The following COL12A1 variants were observed in gnomAD, a reference collection of about 807,000 sequenced individuals.
The protein encoded by COL12A1 is collagen alpha-1(XII) chain.
A neutral mutation model predicts 349.7 loss-of-function variants in COL12A1; 114 were observed. That is an observed-to-expected ratio of 0.33 (90% CI 0.28 to 0.38). The LOEUF is 0.38. Ranked by LOEUF, COL12A1 falls within the 10% of genes least tolerant of loss-of-function variation. The pLI is 1.00. For missense variants in COL12A1, 3,284 were observed against 3,756.9 expected (o/e 0.87, Z 3.29); for synonymous variants, 1,369 against 1,329.0 (o/e 1.03, Z -0.66).
rs754548748 is a variant in COL12A1 at position 75,109,031 on chromosome 6, C to G, written c.8087G>C (p.Arg2696Thr). 2 of 1,611,640 alleles carry G rather than the reference C, an allele frequency of 1.2e-6. No homozygotes were observed. Among genetic ancestry groups the G allele is most frequent in the African/African-American group, 2.7e-5 (2 of 74,744 alleles). ...EILGKLLKGE[R>T]KSAAFQIQSF... ...TGTGTTACTCACTGCGGCTGATTTC[C>G]TTTCCCCTTTAAGGAGTTTTCCAAG... is the stretch of plus-strand genomic sequence containing the variant. The change falls in exon 52 of 66, where the codon AGG becomes ACG. Residue 2696 changes from arginine to threonine, a missense_variant. Arg to Thr is a moderately conservative substitution (Grantham distance 71). Coordinates refer to ENST00000322507, the MANE Select transcript of COL12A1 (RefSeq NM_004370.6).
chr6:75,094,207 C>CT (rs199519184), intron 60 of COL12A1, among the ~76,000 whole-genome samples: 2,194 of 151,298 alleles, frequency 0.015, 44 homozygotes, highest in African/African-American at 0.05. Flanking sequence ...TCTGAAATTA[C>CT]TTTTTTTTTA....
chr6:75,100,485 C>CA (rs368609622), intron 58 of COL12A1, among the ~76,000 whole-genome samples: 52 of 150,424 alleles, frequency 3.5e-4, no homozygotes, highest in African/African-American at 1.0e-3. Flanking sequence ...AATAAGAATT[C>CA]AAAAAAAAAC....
At chr6:75,169,692 G>C (rs1025361611) in intron 13 of COL12A1, among the ~76,000 whole-genome samples, 4 of 151,826 alleles carry the variant, frequency 2.6e-5, no homozygotes, top group Non-Finnish European at 5.9e-5. Context: ...TTTTATCTCT[G>C]GTAATAGAAA....
rs756277846 is a variant in COL12A1, at chr6:75,165,685, G to A, written c.2805C>T (p.Tyr935=). The change falls in exon 14 of 66, where the codon TAC becomes TAT. Residue 935 remains tyrosine, a synonymous_variant. Coordinates refer to ENST00000322507, the MANE Select transcript of COL12A1 (RefSeq NM_004370.6). ...WTSAPGMVRG[Y]RVSWKSLYDD... ...CATAAAGTGATTTCCATGAGACCCT[G>A]TAACCGCGAACCATTCCTGGAGCAG... The A allele has an allele frequency of 6.2e-7, 1 of 1,614,030 alleles. No individual in the cohort carries two copies. The highest frequency in any genetic ancestry group is 2.2e-5 in the East Asian group (1 of 44,888).
rs752888786 is a variant in COL12A1 at position 75,165,682 on chromosome 6, C to T, written c.2808G>A (p.Arg936=). ...TSAPGMVRGY[R]VSWKSLYDDV... is the part of the protein sequence containing the mutation. ...CATCATAAAGTGATTTCCATGAGAC[C>T]CTGTAACCGCGAACCATTCCTGGAG... Residue 936 remains arginine, a synonymous_variant, in exon 14 of 66, where the codon AGG becomes AGA. Transcript: ENST00000322507. 11 of 1,613,850 alleles carry T rather than the reference C, an allele frequency of 6.8e-6. No individual in the cohort carries two copies. The South Asian group carries it at 1.1e-4, about 16-fold the overall frequency.
chr6:75,109,119 A>G lies in COL12A1; in HGVS notation c.7999T>C (p.Tyr2667His), dbSNP rs1324430356. Residue 2667 changes from tyrosine to histidine, a missense_variant, in exon 52 of 66, where the codon TAT (tyrosine) becomes CAT (histidine). Coordinates refer to ENST00000322507, the MANE Select transcript of COL12A1 (RefSeq NM_004370.6). Reference protein sequence around the residue: ...SKSVKIYIDCYEIIEKDIKEA... With the variant: ...SKSVKIYIDCHEIIEKDIKEA... Reference sequence around the variant, plus strand: ...TTGATGTCTTTTTCTATAATTTCATAGCAGTCAATGTAAATCTTAACACTT... The same window carrying G: ...TTGATGTCTTTTTCTATAATTTCATGGCAGTCAATGTAAATCTTAACACTT... The G allele has an allele frequency of 1.9e-6, 3 of 1,605,578 alleles. No individual in the cohort carries two copies. The highest frequency in any genetic ancestry group is 1.7e-6 in the Non-Finnish European group (2 of 1,173,032).
chr6:75,126,671 T>C (rs529077438), intron 38 of COL12A1, among the ~76,000 whole-genome samples: 71 of 152,200 alleles, frequency 4.7e-4, no homozygotes, highest in African/African-American at 1.5e-3. Flanking sequence ...GCAACTCAAA[T>C]AGACTCAAGA....
At chr6:75,115,625 G>A (rs1424625897) in intron 49 of COL12A1, among the ~76,000 whole-genome samples, 159 bp downstream of exon 49, 1 of 152,114 alleles carries the variant, frequency 6.6e-6, no homozygotes, top group Non-Finnish European at 1.5e-5. Context: ...ATGTAACCTG[G>A]AAACAATTAG....
chr6:75,169,883 A>G lies in COL12A1; in HGVS notation c.2711-4104T>C, dbSNP rs566213164. ...CTCTATCAGGTTTTGAAATCTGGCT[A>G]CTCAGCATTTCTGTCCTTATTATAA... On this transcript the variant is annotated intron_variant, in intron 13 of 65. Transcript: ENST00000322507. Among the ~76,000 whole-genome samples, 3 of 152,274 alleles carry G rather than the reference A, an allele frequency of 2.0e-5. No homozygotes were observed. The South Asian group carries it at 6.2e-4, about 32-fold the overall frequency.
intron 32 of COL12A1, among the ~76,000 whole-genome samples, 160 bp downstream of exon 32, chr6:75,134,566 A>G (rs569691833): frequency 2.5e-4 from 38 of 152,218 alleles, no homozygotes; most frequent in Admixed American, 2.0e-3. Flanking sequence ...GCAAGACTCC[A>G]TCTCAAAAAA....
At chr6:75,134,903 TC>T in intron 31 of COL12A1, 48 bp from the exon 32 acceptor site, 1 of 1,572,224 alleles carries the variant, frequency 6.4e-7, no homozygotes, top group Non-Finnish European at 8.7e-7. Flanking sequence ...TCTCTCCATC[TC>T]ACTAATCTGT....
At position 75,105,307 on chromosome 6, in the gene COL12A1, A is replaced by G. The variant is rs1432887620; in HGVS notation, c.8179-15T>C. On this transcript the variant is annotated splice_polypyrimidine_tract_variant and intron_variant, in intron 53 of 65. Coordinates refer to ENST00000322507, the MANE Select transcript of COL12A1 (RefSeq NM_004370.6). ...CCCTCATCTCTCTGAAATTTTGAAA[A>G]GAATATTTACCTTTAAATTTAGAGG... is the stretch of plus-strand genomic sequence containing the variant. 3 of 1,605,640 alleles carry G rather than the reference A, an allele frequency of 1.9e-6. No individual in the cohort carries two copies. The highest frequency in any genetic ancestry group is 1.3e-5 in the African/African-American group (1 of 74,826).
chr6:75,140,556 T>C (rs559480236), intron 27 of COL12A1, among the ~76,000 whole-genome samples: 4 of 148,020 alleles, frequency 2.7e-5, no homozygotes, highest in Non-Finnish European at 5.9e-5. Flanking sequence ...CTCCGGAGGC[T>C]GAGGCAGGAT....
chr6:75,123,332 T>A lies in COL12A1; in HGVS notation c.6944A>T (p.Asp2315Val). The A allele has an allele frequency of 6.2e-7, 1 of 1,608,562 alleles. No homozygotes were observed. The highest frequency in any genetic ancestry group is 8.5e-7 in the Non-Finnish European group (1 of 1,177,240). Reference sequence around the variant, plus strand: ...ATTGCCTATTTAGCTGTACTTACCATCCCGGGCTGGTGGAATGGTGGGAGG... The same window carrying A: ...ATTGCCTATTTAGCTGTACTTACCAACCCGGGCTGGTGGAATGGTGGGAGG... ...PPPPTIPPAR[D>V]VCKGAKADIV... The change falls in exon 43 of 66, where the codon GAT becomes GTT. Residue 2315 changes from aspartate to valine, a missense_variant and splice_region_variant. Asp to Val is a radical substitution (Grantham distance 152). Transcript: ENST00000322507.
chr6:75,185,736 C>A (rs1769579298), intron 8 of COL12A1, among the ~76,000 whole-genome samples: 2 of 152,096 alleles, frequency 1.3e-5, no homozygotes, highest in Admixed American at 6.5e-5. Context: ...GCTGTGGTAA[C>A]CAAAACAGCA....
chr6:75,098,617 C>T (rs1768161224), intron 58 of COL12A1, among the ~76,000 whole-genome samples: 1 of 152,146 alleles, frequency 6.6e-6, no homozygotes, highest in Non-Finnish European at 1.5e-5. Flanking sequence ...TGTGATCGCA[C>T]CACTGCACTC....
intron 14 of COL12A1, among the ~76,000 whole-genome samples, chr6:75,159,911 C>T (rs903379818): frequency 6.6e-6 from 1 of 152,010 alleles, no homozygotes; most frequent in Non-Finnish European, 1.5e-5. Context: ...TAATAACAGC[C>T]AAAAGTGATA....
intron 52 of COL12A1, 106 bp from the exon 53 acceptor site, chr6:75,106,602 G>T: frequency 1.1e-6 from 1 of 928,864 alleles, no homozygotes. Flanking sequence ...CTCTCTCAAG[G>T]GTGTGAGCCA....
chr6:75,134,008 C>T lies in COL12A1; in HGVS notation c.5525-11G>A, dbSNP rs375380199. On this transcript the variant is annotated splice_polypyrimidine_tract_variant and intron_variant, in intron 32 of 65. Transcript: ENST00000322507. ...CAGTGTTTAGAGGTTCTGAAATGCA[C>T]AGAAATCCCATCACAGTATAATGCT... The T allele has an allele frequency of 2.5e-6, 4 of 1,610,324 alleles. No individual in the cohort carries two copies. Among genetic ancestry groups the T allele is most frequent in the African/African-American group, 2.7e-5 (2 of 74,812 alleles).
Sources: allele counts gnomAD v4.1 joint callset (sites outside exome capture counted in the v4.1 genomes callset), GRCh38; gene constraint gnomAD v4.1.1; transcripts MANE v1.5; gene names NCBI Gene and HGNC (gene_info 2026-07-23, HGNC 2026-07-21).